WASF1: variants seen among roughly 807,000 people sequenced by gnomAD.
The protein encoded by WASF1 is WASP family member 1.
Under a neutral mutation model 50.5 loss-of-function variants are expected in WASF1, and 7 were observed. The observed-to-expected ratio is 0.14, with a 90% CI of 0.08 to 0.26. The LOEUF (loss-of-function observed/expected upper bound fraction) is 0.26, where lower values mean the gene tolerates loss of function less well. Among genes scored for constraint, WASF1 ranks in the 10% least tolerant of loss-of-function variants. The pLI is 1.00. For synonymous variants in WASF1, 205 were observed against 244.0 expected (o/e 0.84, Z 1.49); for missense variants, 470 against 694.7 (o/e 0.68, Z 3.64).
intron 4 of WASF1, among the ~76,000 whole-genome samples, chr6:110,124,237 T>TCCCTCTCTCTCC (rs1562170307): frequency 4.5e-5 from 1 of 22,066 alleles, no homozygotes; most frequent in Non-Finnish European, 7.8e-5. Context: ...CTCTCTCTCC[T>TCCCTCTCTCTCC]CTCTCTCTCT....
intron 3 of WASF1, among the ~76,000 whole-genome samples, chr6:110,132,948 G>A (rs1774755999): frequency 7.7e-6 from 1 of 130,062 alleles, no homozygotes; most frequent in Non-Finnish European, 1.6e-5. Context: ...GTTTGTGTGT[G>A]TATTCCATGG....
rs1294250665 is a variant in WASF1 at position 110,160,728 on chromosome 6, C to T, written c.-122G>A. ...AGTTGTTTTAACATGCTGATTTCTC[C>T]AACACTGTTTAAAATTGAGAACAAA... On this transcript the variant is annotated 5_prime_UTR_variant, in exon 3 of 11. Coordinates refer to ENST00000392589, the MANE Select transcript of WASF1 (RefSeq NM_003931.3). 6.6e-6 allele frequency: 1 copy of T among 151,682 alleles called. No individual in the cohort carries two copies. Among genetic ancestry groups the T allele is most frequent in the Non-Finnish European group, 1.5e-5 (1 of 67,762 alleles). The allele number at this position is 151,682 out of a possible 1,614,324, so 9.4% of individuals were successfully genotyped here.
chr6:110,152,947 A>G (rs1037311156), intron 3 of WASF1, among the ~76,000 whole-genome samples: 1 of 152,094 alleles, frequency 6.6e-6, no homozygotes, highest in Non-Finnish European at 1.5e-5. Context: ...GTCACCATAG[A>G]TTAATTTGCT....
chr6:110,112,305 G>C (rs1164172041), intron 5 of WASF1, among the ~76,000 whole-genome samples: 3 of 151,626 alleles, frequency 2.0e-5, no homozygotes, highest in African/African-American at 4.8e-5. Context: ...AATTCTCTGT[G>C]GTAGGTAAGT....
At chr6:110,176,984 A>G (rs563058825) in intron 2 of WASF1, among the ~76,000 whole-genome samples, 53 of 152,226 alleles carry the variant, frequency 3.5e-4, no homozygotes, top group African/African-American at 1.2e-3. Flanking sequence ...ACAAGGTACT[A>G]TGTACTGTGA....
chr6:110,174,151 T>A (rs1776827939), intron 2 of WASF1, among the ~76,000 whole-genome samples: 1 of 152,160 alleles, frequency 6.6e-6, no homozygotes, highest in South Asian at 2.1e-4. Context: ...AAGCTTTAAC[T>A]GTTTCACCTG....
chr6:110,114,539 TG>T (rs1489290443), intron 4 of WASF1, among the ~76,000 whole-genome samples: 2 of 152,154 alleles, frequency 1.3e-5, no homozygotes, highest in Non-Finnish European at 2.9e-5. Context: ...GGTGCATGGC[TG>T]TTACAAGAAA....
At chr6:110,136,892 C>T (rs1156843334) in intron 3 of WASF1, among the ~76,000 whole-genome samples, 1 of 152,146 alleles carries the variant, frequency 6.6e-6, no homozygotes, top group Admixed American at 6.5e-5. Context: ...TCCCTGATCC[C>T]CCAGTCTCAA....
intron 2 of WASF1, among the ~76,000 whole-genome samples, chr6:110,165,035 G>GAA (rs886677262): frequency 1.3e-5 from 2 of 151,610 alleles, no homozygotes; most frequent in African/African-American, 4.8e-5. Flanking sequence ...CCAGGGGTTA[G>GAA]AAAGGAGAGA....
intron 4 of WASF1, among the ~76,000 whole-genome samples, chr6:110,117,436 A>G (rs527348866): frequency 2.0e-4 from 30 of 152,342 alleles, no homozygotes; most frequent in African/African-American, 7.2e-4. Flanking sequence ...AATTAATGAA[A>G]TAAAACGAGA....
At chr6:110,113,284 A>T (rs1773651548) in intron 5 of WASF1, 42 bp downstream of exon 5, 2 of 1,446,106 alleles carry the variant, frequency 1.4e-6, no homozygotes, top group Non-Finnish European at 1.8e-6. Flanking sequence ...CATCTAACTT[A>T]AAATATATAC....
chr6:110,132,211 A>G (rs1774708656), intron 3 of WASF1, among the ~76,000 whole-genome samples: 1 of 152,042 alleles, frequency 6.6e-6, no homozygotes, highest in Non-Finnish European at 1.5e-5. Flanking sequence ...TTGACCCTAT[A>G]TCCCAAGATC....
intron 3 of WASF1, among the ~76,000 whole-genome samples, chr6:110,155,106 T>A (rs1776002184): frequency 6.6e-6 from 1 of 152,038 alleles, no homozygotes. Context: ...CCTGAAATAA[T>A]CAGACTCTTT....
intron 3 of WASF1, among the ~76,000 whole-genome samples, chr6:110,128,745 C>G (rs112214459): frequency 2.6e-5 from 4 of 152,162 alleles, no homozygotes; most frequent in Admixed American, 2.6e-4. Context: ...AGACCAGTAA[C>G]GGTCAGTGGC....
intron 3 of WASF1, among the ~76,000 whole-genome samples, chr6:110,136,988 C>T (rs987691018): frequency 6.6e-5 from 10 of 152,144 alleles, no homozygotes; most frequent in African/African-American, 2.4e-4. Context: ...AATTATGTAT[C>T]TTCATGATTG....
At chr6:110,135,628 G>C (rs755115607) in intron 3 of WASF1, among the ~76,000 whole-genome samples, 1 of 150,550 alleles carries the variant, frequency 6.6e-6, no homozygotes, top group Non-Finnish European at 1.5e-5. Context: ...CTGAATCTAT[G>C]AATATGTTAC....
intron 3 of WASF1, among the ~76,000 whole-genome samples, chr6:110,137,934 C>T (rs944736380): frequency 6.6e-6 from 1 of 152,224 alleles, no homozygotes; most frequent in Non-Finnish European, 1.5e-5. Context: ...GGGTGTGTCA[C>T]TTTTCCAGCT....
intron 4 of WASF1, among the ~76,000 whole-genome samples, chr6:110,124,864 C>T (rs892649060): frequency 1.3e-5 from 2 of 152,016 alleles, no homozygotes; most frequent in Admixed American, 1.3e-4. Context: ...GAGCCAAGAT[C>T]GCACCACTGC....
chr6:110,138,565 T>A (rs2114545320), intron 3 of WASF1, among the ~76,000 whole-genome samples: 1 of 152,234 alleles, frequency 6.6e-6, no homozygotes, highest in Non-Finnish European at 1.5e-5. Context: ...CGGAAGCGGG[T>A]AGTCCCTTTT....
Sources: gnomAD v4.1 joint callset for allele counts (sites outside exome capture counted in the v4.1 genomes callset) on GRCh38, gnomAD v4.1.1 for gene constraint, MANE v1.5 for transcripts, NCBI Gene and HGNC (gene_info 2026-07-23, HGNC 2026-07-21) for gene names.